ARFIP1: variants seen among roughly 807,000 people sequenced by gnomAD.
The protein encoded by ARFIP1 is arfaptin-1.
A neutral mutation model predicts 42.5 loss-of-function variants in ARFIP1; 24 were observed. The observed-to-expected ratio is 0.57, with a 90% CI of 0.41 to 0.80. ARFIP1 has a LOEUF of 0.80. Ranked by LOEUF, ARFIP1 falls within the 30% of genes least tolerant of loss-of-function variation. The pLI, the probability that ARFIP1 is intolerant of heterozygous loss-of-function variation, is 0.00. For missense variants in ARFIP1, 354 were observed against 434.0 expected, an observed-to-expected ratio of 0.82 and a Z score of 1.64; for synonymous variants, 141 against 153.7, an observed-to-expected ratio of 0.92 and a Z score of 0.61.
At chr4:152,882,663 T>C in intron 6 of ARFIP1, 60 bp from the exon 7 acceptor site, 1 of 1,518,806 alleles carries the variant, frequency 6.6e-7, no homozygotes. Context: ...GTGCTTGAGA[T>C]TTTTAAGTCA....
intron 2 of ARFIP1, among the ~76,000 whole-genome samples, chr4:152,859,557 T>G (rs1214881731): frequency 3.9e-5 from 6 of 152,206 alleles, no homozygotes; most frequent in Admixed American, 6.5e-5. Flanking sequence ...AAGACCAGTT[T>G]ATCTTTCAAA....
At chr4:152,877,677 A>G (rs532081868) in intron 5 of ARFIP1, among the ~76,000 whole-genome samples, 4 of 152,130 alleles carry the variant, frequency 2.6e-5, no homozygotes, top group East Asian at 1.9e-4. Context: ...TCCTCACCCA[A>G]ATCTCAACTT....
chr4:152,828,751 T>C (rs940388114), intron 1 of ARFIP1, among the ~76,000 whole-genome samples: 14 of 152,230 alleles, frequency 9.2e-5, no homozygotes, highest in Middle Eastern at 3.2e-3. Context: ...CAGTTTTTTC[T>C]TTCATGGATT....
intron 3 of ARFIP1, among the ~76,000 whole-genome samples, chr4:152,865,230 G>A (rs946017491): frequency 1.3e-5 from 2 of 151,732 alleles, no homozygotes; most frequent in Non-Finnish European, 2.9e-5. Context: ...CTCTGCCCCC[G>A]AGTTCAAGTG....
intron 2 of ARFIP1, among the ~76,000 whole-genome samples, chr4:152,854,060 G>A (rs531842110): frequency 4.0e-5 from 6 of 151,616 alleles, no homozygotes; most frequent in East Asian, 3.9e-4. Context: ...TTACAGGCAC[G>A]TGCCACCACA....
Position 152,855,402 on chromosome 4 carries a change from T to C in ARFIP1, c.94-8204T>C, listed in dbSNP as rs562585067. Among the ~76,000 whole-genome samples, 4 of 152,294 alleles carry C rather than the reference T, an allele frequency of 2.6e-5. No individual in the cohort carries two copies. The East Asian group carries it at 7.7e-4, about 29-fold the overall frequency. ...TGCGTGAGTAGGAGGTGGCAACAGC[T>C]GTGCTTCTGCACTTCCACTGGAGAG... On this transcript the variant is annotated intron_variant, in intron 2 of 8. Coordinates refer to ENST00000353617, the MANE Select transcript of ARFIP1 (RefSeq NM_001025595.3).
At chr4:152,798,527 C>T (rs745732031) in intron 1 of ARFIP1, among the ~76,000 whole-genome samples, 5 of 152,108 alleles carry the variant, frequency 3.3e-5, no homozygotes, top group African/African-American at 1.2e-4. Context: ...TTTATGAATA[C>T]GGTATGTACT....
chr4:152,863,407 C>G (rs1289278666), intron 2 of ARFIP1, among the ~76,000 whole-genome samples, 199 bp from the exon 3 acceptor site: 1 of 152,124 alleles, frequency 6.6e-6, no homozygotes, highest in Non-Finnish European at 1.5e-5. Flanking sequence ...GTGATGTACA[C>G]AATACCACTT....
chr4:152,866,753 G>T (rs570096290), intron 3 of ARFIP1, among the ~76,000 whole-genome samples: 10 of 150,876 alleles, frequency 6.6e-5, no homozygotes, highest in Admixed American at 2.0e-4. Flanking sequence ...GGCGGCTGCC[G>T]GGCGGAGGGT....
chr4:152,876,723 C>T (rs1367572057), intron 5 of ARFIP1, among the ~76,000 whole-genome samples: 1 of 152,216 alleles, frequency 6.6e-6, no homozygotes, highest in Non-Finnish European at 1.5e-5. Context: ...CATCACAGGC[C>T]TGGAGGCCCA....
intron 1 of ARFIP1, among the ~76,000 whole-genome samples, chr4:152,782,609 G>A (rs913189306): frequency 6.6e-6 from 1 of 151,974 alleles, no homozygotes; most frequent in Non-Finnish European, 1.5e-5. Flanking sequence ...TTTTGCTTGA[G>A]GCATGTACCT....
intron 1 of ARFIP1, among the ~76,000 whole-genome samples, chr4:152,817,218 C>T (rs1312982148): frequency 6.6e-6 from 1 of 152,078 alleles, no homozygotes; most frequent in African/African-American, 2.4e-5. Context: ...AATTAGAGTC[C>T]AAATACTAGT....
intron 1 of ARFIP1, among the ~76,000 whole-genome samples, chr4:152,815,370 C>T (rs922183517): frequency 1.3e-5 from 2 of 152,122 alleles, no homozygotes; most frequent in Admixed American, 6.5e-5. Flanking sequence ...GTTGTTGACT[C>T]CTGTTCTAGG....
chr4:152,880,924 G>T, intron 5 of ARFIP1, 39 bp from the exon 6 acceptor site: 1 of 1,529,594 alleles, frequency 6.5e-7, no homozygotes, highest in Non-Finnish European at 9.0e-7. Flanking sequence ...ATTTTGTTTT[G>T]TTTTTTCTTT....
At chr4:152,875,868 G>T (rs970724194) in intron 5 of ARFIP1, among the ~76,000 whole-genome samples, 2 of 151,994 alleles carry the variant, frequency 1.3e-5, no homozygotes, top group South Asian at 4.2e-4. Flanking sequence ...CATGGGAGCC[G>T]GTCTTTCCCA....
At chr4:152,827,049 A>T (rs1033214880) in intron 1 of ARFIP1, among the ~76,000 whole-genome samples, 1 of 152,254 alleles carries the variant, frequency 6.6e-6, no homozygotes, top group Non-Finnish European at 1.5e-5. Context: ...TTAATGGGTT[A>T]TACTGTTTCA....
chr4:152,787,019 A>G (rs1316106942), intron 1 of ARFIP1, among the ~76,000 whole-genome samples: 1 of 152,200 alleles, frequency 6.6e-6, no homozygotes, highest in African/African-American at 2.4e-5. Context: ...TTTGCAATTT[A>G]CATTTATTCA....
At chr4:152,881,454 TCAA>T (rs1735841857) in intron 6 of ARFIP1, among the ~76,000 whole-genome samples, 1 of 152,206 alleles carries the variant, frequency 6.6e-6, no homozygotes, top group South Asian at 2.1e-4. Context: ...TACTCCTTAA[TCAA>T]TATCAAGGGT....
chr4:152,847,799 T>C (rs1394894158), intron 2 of ARFIP1, among the ~76,000 whole-genome samples: 16 of 152,168 alleles, frequency 1.1e-4, no homozygotes, highest in Non-Finnish European at 2.2e-4. Flanking sequence ...TTGAAACTTC[T>C]TGTGAATTAA....
Sources: gnomAD v4.1 joint callset for allele counts (sites outside exome capture counted in the v4.1 genomes callset) on GRCh38, gnomAD v4.1.1 for gene constraint, MANE v1.5 for transcripts, NCBI Gene and HGNC (gene_info 2026-07-23, HGNC 2026-07-21) for gene names.